Variants in PBK observed in about 807,000 individuals in gnomAD.
PBK encodes lymphokine-activated killer T-cell-originated protein kinase.
In PBK, 22 loss-of-function variants were observed where a neutral mutation model predicts 33.5. That is an observed-to-expected ratio of 0.66 (90% CI 0.47 to 0.94). The LOEUF (loss-of-function observed/expected upper bound fraction) is 0.94, where lower values mean the gene tolerates loss of function less well. Among genes scored for constraint, PBK ranks in the 40% least tolerant of loss-of-function variants. The pLI is 0.00. For missense variants in PBK, 376 were observed against 383.4 expected, an observed-to-expected ratio of 0.98 and a Z score of 0.16; for synonymous variants, 129 against 123.8, an observed-to-expected ratio of 1.04 and a Z score of -0.28.
intron 6 of PBK, chr8:27,811,431 T>C (rs1805680110): frequency 4.0e-6 from 2 of 499,454 alleles, no homozygotes; most frequent in South Asian, 2.2e-5. Flanking sequence ...ACTGCCTTGC[T>C]TGGGTTGGTT....
intron 6 of PBK, among the ~76,000 whole-genome samples, chr8:27,815,594 C>T (rs750358178): frequency 5.3e-5 from 8 of 152,212 alleles, no homozygotes; most frequent in Non-Finnish European, 8.8e-5. Flanking sequence ...ATACTTACAC[C>T]GTTCAGTATA....
intron 6 of PBK, among the ~76,000 whole-genome samples, chr8:27,815,454 T>C (rs918904359): frequency 4.2e-4 from 64 of 152,300 alleles, no homozygotes; most frequent in African/African-American, 1.5e-3. Flanking sequence ...GCCATGGACA[T>C]TATAAGCTCC....
At chr8:27,814,566 TTTTC>T (rs1355377286) in intron 6 of PBK, among the ~76,000 whole-genome samples, 2 of 152,184 alleles carry the variant, frequency 1.3e-5, no homozygotes, top group Admixed American at 6.5e-5. Flanking sequence ...TTTGCTCTGC[TTTTC>T]TTTTTCTAGA....
chr8:27,820,439 AAG>A (rs1805897871), intron 6 of PBK, 124 bp downstream of exon 6: 3 of 628,304 alleles, frequency 4.8e-6, no homozygotes, highest in Non-Finnish European at 8.2e-6. Context: ...GAGAGAAAAA[AAG>A]GGGACTTTTT....
intron 6 of PBK, chr8:27,811,889 T>C (rs183259803): frequency 1.3e-5 from 2 of 152,332 alleles, no homozygotes; most frequent in East Asian, 3.9e-4. Flanking sequence ...TATTTTGGGT[T>C]TTGGTACTTG....
intron 3 of PBK, among the ~76,000 whole-genome samples, chr8:27,824,254 G>T (rs1805985885): frequency 6.6e-6 from 1 of 151,938 alleles, no homozygotes; most frequent in Admixed American, 6.6e-5. Flanking sequence ...AAATTTCAAG[G>T]GTTGAAAGTT....
At chr8:27,833,980 T>C (rs1404889748) in intron 1 of PBK, among the ~76,000 whole-genome samples, 1 of 151,226 alleles carries the variant, frequency 6.6e-6, no homozygotes, top group East Asian at 1.9e-4. Context: ...GAAAACATTA[T>C]ACTAAATGAA....
chr8:27,817,944 C>G (rs922976624), intron 6 of PBK, among the ~76,000 whole-genome samples: 3 of 152,138 alleles, frequency 2.0e-5, no homozygotes, highest in African/African-American at 7.2e-5. Flanking sequence ...CTTCTGAGCA[C>G]TTGAATTGTG....
chr8:27,823,311 A>C (rs1253329497), intron 3 of PBK, 106 bp from the exon 4 acceptor site: 1 of 674,580 alleles, frequency 1.5e-6, no homozygotes, highest in Non-Finnish European at 2.5e-6. Context: ...ATTTGCTTTT[A>C]AAAACAGAAT....
chr8:27,819,183 T>C (rs1805873546), intron 6 of PBK, among the ~76,000 whole-genome samples: 1 of 152,176 alleles, frequency 6.6e-6, no homozygotes. Flanking sequence ...TGAACATGTA[T>C]CCTCAAAGAG....
chr8:27,827,926 A>G (rs1479029717), intron 3 of PBK, among the ~76,000 whole-genome samples, 179 bp downstream of exon 3: 1 of 152,242 alleles, frequency 6.6e-6, no homozygotes, highest in Admixed American at 6.5e-5. Flanking sequence ...GGAGAAAAGC[A>G]GAGGCAGAGC....
rs561227677 is a variant in PBK, at chr8:27,833,209, T to C, written c.-20-76A>G. The stretch of plus-strand genomic sequence containing the variant: ...TCTCATTCATGAAGAAAAATGCCAA[T>C]AGCCAGGCGCAGTGGATCATGCCTG... On this transcript the variant is annotated intron_variant, in intron 1 of 7. Coordinates refer to ENST00000301905, the MANE Select transcript of PBK (RefSeq NM_018492.4). 8.4e-5 allele frequency: 63 copies of C among 753,978 alleles called. 1 individual carries two copies. In the South Asian group the frequency reaches 1.1e-3, roughly 14 times the overall value. 46.7% of individuals were successfully genotyped at this position (753,978 alleles called of 1,614,324 possible).
Position 27,833,441 on chromosome 8 carries a change from A to G in PBK, c.-20-308T>C, listed in dbSNP as rs551807132. On this transcript the variant is annotated intron_variant, in intron 1 of 7. Transcript: ENST00000301905. ...GGAGAATCGCTTGAACCTGGGAGGC[A>G]GAGGTTGCGGTGAGCCGAGATCGTG... Among the ~76,000 whole-genome samples, 396 of 152,054 alleles carry G rather than the reference A, an allele frequency of 2.6e-3. 1 individual carries two copies. The highest frequency in any genetic ancestry group is 3.8e-3 in the Non-Finnish European group (258 of 67,966).
intron 2 of PBK, among the ~76,000 whole-genome samples, chr8:27,831,177 A>C (rs1465310863): frequency 6.6e-6 from 1 of 151,980 alleles, no homozygotes. Context: ...ACATGGCGAA[A>C]ACCTGTCTCT....
chr8:27,832,820 T>C (rs1340500418), intron 2 of PBK, among the ~76,000 whole-genome samples: 1 of 152,188 alleles, frequency 6.6e-6, no homozygotes, highest in Non-Finnish European at 1.5e-5. Flanking sequence ...TCAAGCTAAG[T>C]TGATTCTTGG....
intron 1 of PBK, 72 bp from the exon 2 acceptor site, chr8:27,833,205 C>T (rs1375442139): frequency 2.5e-6 from 2 of 806,758 alleles, no homozygotes; most frequent in Non-Finnish European, 3.9e-6. Flanking sequence ...AAGAAAAATG[C>T]CAATAGCCAG....
At chr8:27,819,167 TTTGA>T (rs1180847301) in intron 6 of PBK, among the ~76,000 whole-genome samples, 6 of 152,154 alleles carry the variant, frequency 3.9e-5, no homozygotes, top group Admixed American at 2.6e-4. Context: ...CCCAGCCATG[TTTGA>T]TTGAACATGT....
chr8:27,814,992 TATTTG>T (rs1310596731), intron 6 of PBK, among the ~76,000 whole-genome samples: 6 of 152,216 alleles, frequency 3.9e-5, no homozygotes, highest in Non-Finnish European at 7.3e-5. Context: ...AAATTTTCAG[TATTTG>T]ATTACTATAA....
At chr8:27,814,483 TTTG>T (rs1172278331) in intron 6 of PBK, among the ~76,000 whole-genome samples, 4 of 152,152 alleles carry the variant, frequency 2.6e-5, no homozygotes, top group African/African-American at 9.6e-5. Flanking sequence ...AGCTTTTGGC[TTTG>T]TTAATATTTT....
Sources: gnomAD v4.1 joint callset for allele counts (sites outside exome capture counted in the v4.1 genomes callset) on GRCh38, gnomAD v4.1.1 for gene constraint, MANE v1.5 for transcripts, NCBI Gene and HGNC (gene_info 2026-07-23, HGNC 2026-07-21) for gene names.